Variants in UIMC1 observed in about 807,000 individuals in gnomAD.
UIMC1 encodes the protein ubiquitin interaction motif containing 1.
A neutral mutation model predicts 84.9 loss-of-function variants in UIMC1; 42 were observed. That is an observed-to-expected ratio of 0.49 (90% CI 0.39 to 0.64). The LOEUF (loss-of-function observed/expected upper bound fraction) is 0.64. Ranked by LOEUF, UIMC1 falls within the 30% of genes least tolerant of loss-of-function variation. UIMC1 has a pLI of 0.00. For synonymous variants in UIMC1, 281 were observed against 293.0 expected (o/e 0.96, Z 0.42); for missense variants, 825 against 847.6 (o/e 0.97, Z 0.33).
intron 10 of UIMC1, among the ~76,000 whole-genome samples, chr5:176,939,194 T>A (rs1253008009): frequency 2.7e-5 from 4 of 149,768 alleles, no homozygotes; most frequent in Non-Finnish European, 5.9e-5. Context: ...GAGGCAGAGG[T>A]TGCAATGAGC....
At position 177,011,875 on chromosome 5, in the gene UIMC1, A is replaced by G. The variant is rs188655523; in HGVS notation, c.-9+10589T>C. 1.6e-3 allele frequency among the ~76,000 whole-genome samples: 241 copies of G among 151,360 alleles called. 1 individual carries two copies. The South Asian group carries it at 0.021, about 13-fold the overall frequency. On this transcript the variant is annotated intron_variant, in intron 1 of 5. Coordinates refer to the UIMC1 transcript ENST00000509236. Reference sequence around the variant, plus strand: ...GAGTGCAGTGGCACAATCTCAGCTCACCGCAAGCTCTGCCTCCTGGGTTCA... The same window carrying G: ...GAGTGCAGTGGCACAATCTCAGCTCGCCGCAAGCTCTGCCTCCTGGGTTCA...
At chr5:176,967,922 T>C (rs917188285) in intron 6 of UIMC1, among the ~76,000 whole-genome samples, 5 of 148,602 alleles carry the variant, frequency 3.4e-5, no homozygotes, top group Non-Finnish European at 5.9e-5. Context: ...AAAAAAAAAA[T>C]TTATACAAAA....
At chr5:176,937,609 G>A (rs1299679122) in intron 10 of UIMC1, among the ~76,000 whole-genome samples, 1 of 152,218 alleles carries the variant, frequency 6.6e-6, no homozygotes, top group Non-Finnish European at 1.5e-5. Context: ...CCAGTGCGTA[G>A]TATTATAATC....
At chr5:176,948,270 A>C (rs1259221750) in intron 9 of UIMC1, among the ~76,000 whole-genome samples, 1 of 152,244 alleles carries the variant, frequency 6.6e-6, no homozygotes, top group African/African-American at 2.4e-5. Flanking sequence ...CAGTTATGCC[A>C]TGGGTACTTC....
intron 10 of UIMC1, among the ~76,000 whole-genome samples, chr5:176,931,835 G>A (rs536919460): frequency 3.4e-4 from 52 of 152,188 alleles, no homozygotes; most frequent in African/African-American, 1.2e-3. Context: ...AAATACAGGC[G>A]TGGTGGCACC....
At chr5:176,976,706 T>C (rs992129039) in intron 2 of UIMC1, among the ~76,000 whole-genome samples, 1 of 152,230 alleles carries the variant, frequency 6.6e-6, no homozygotes, top group Non-Finnish European at 1.5e-5. Context: ...ATTCCATTTA[T>C]AAGACATGCC....
In UIMC1 at chr5:176,906,301, C is replaced by G. The variant is rs956533451; in HGVS notation, c.1913-254G>C. ...CTACTTCAATTCTGGACTTGAGGAACAAGGAAGTTGCCAAGGGAAATCTGC... is the reference window on the plus strand; with the variant it reads ...CTACTTCAATTCTGGACTTGAGGAAGAAGGAAGTTGCCAAGGGAAATCTGC... On this transcript the variant is annotated intron_variant, in intron 13 of 14. Coordinates refer to ENST00000511320, the MANE Select transcript of UIMC1 (RefSeq NM_001199298.2). 5 of 440,522 alleles carry G rather than the reference C, an allele frequency of 1.1e-5. No homozygotes were observed. The South Asian group carries it at 1.3e-4, about 12-fold the overall frequency. The allele number at this position is 440,522 out of a possible 1,614,324, so 27.3% of individuals were successfully genotyped here.
At chr5:176,911,110 G>GA (rs1760103460) in intron 11 of UIMC1, among the ~76,000 whole-genome samples, 7 of 113,020 alleles carry the variant, frequency 6.2e-5, no homozygotes, top group Non-Finnish European at 8.9e-5. Context: ...AAGAGAGAGA[G>GA]AGAAGAAAAG....
At chr5:176,999,054 T>C (rs113995194) in intron 1 of UIMC1, among the ~76,000 whole-genome samples, 14,850 of 151,938 alleles carry the variant, frequency 0.098, 1,512 homozygotes, top group African/African-American at 0.26. Context: ...CAGTCAGGCA[T>C]GGTGTTGCAT....
intron 2 of UIMC1, among the ~76,000 whole-genome samples, chr5:176,982,204 T>C (rs1050984083): frequency 7.9e-5 from 12 of 152,228 alleles, no homozygotes; most frequent in Non-Finnish European, 1.2e-4. Flanking sequence ...ACAATTGATT[T>C]AGATGATTCA....
chr5:177,015,200 C>T (rs1581740695), intron 1 of UIMC1, among the ~76,000 whole-genome samples: 1 of 152,328 alleles, frequency 6.6e-6, no homozygotes, highest in African/African-American at 2.4e-5. Flanking sequence ...ATCTTCACAA[C>T]AACCATTTGA....
chr5:176,950,631 A>G (rs908797954), intron 9 of UIMC1, among the ~76,000 whole-genome samples: 5 of 151,776 alleles, frequency 3.3e-5, no homozygotes, highest in African/African-American at 1.2e-4. Context: ...GCACTTTGGG[A>G]GGCTAAGGTG....
intron 10 of UIMC1, among the ~76,000 whole-genome samples, chr5:176,925,695 C>T (rs1366785646): frequency 1.3e-5 from 2 of 152,088 alleles, no homozygotes; most frequent in Non-Finnish European, 2.9e-5. Flanking sequence ...TATGATTCTA[C>T]TAATATCAAA....
chr5:177,015,221 ATC>A (rs1386882948), intron 1 of UIMC1, among the ~76,000 whole-genome samples: 2 of 152,258 alleles, frequency 1.3e-5, no homozygotes, highest in African/African-American at 4.8e-5. Flanking sequence ...GGTGGGTATC[ATC>A]TCCTCATTTT....
At chr5:176,958,005 T>C (rs1052593310) in intron 7 of UIMC1, 88 bp downstream of exon 7, 7 of 1,232,190 alleles carry the variant, frequency 5.7e-6, no homozygotes, top group Non-Finnish European at 7.9e-6. Context: ...TCTGGCAAGC[T>C]GTCCACGTAC....
intron 10 of UIMC1, among the ~76,000 whole-genome samples, chr5:176,942,976 C>T (rs1273485288): frequency 6.6e-6 from 1 of 151,876 alleles, no homozygotes; most frequent in Non-Finnish European, 1.5e-5. Flanking sequence ...GCGTGAGAAT[C>T]GTTTGAACCT....
At chr5:176,946,198 T>C (rs1037395882) in intron 9 of UIMC1, among the ~76,000 whole-genome samples, 2 of 152,106 alleles carry the variant, frequency 1.3e-5, no homozygotes, top group African/African-American at 2.4e-5. Context: ...GTGTGTCTAT[T>C]ATTTCTCAAC....
chr5:176,967,698 T>C (rs77424443), intron 6 of UIMC1, among the ~76,000 whole-genome samples: 55 of 151,896 alleles, frequency 3.6e-4, no homozygotes, highest in African/African-American at 1.3e-3. Flanking sequence ...AGTACAGGAG[T>C]TCGAGACCAG....
intron 10 of UIMC1, among the ~76,000 whole-genome samples, chr5:176,912,872 T>C (rs1333885233): frequency 6.6e-6 from 1 of 152,168 alleles, no homozygotes; most frequent in African/African-American, 2.4e-5. Context: ...TTCACAATGT[T>C]AGCCAGGCTG....
Sources: gnomAD v4.1 joint callset for allele counts (sites outside exome capture counted in the v4.1 genomes callset) on GRCh38, gnomAD v4.1.1 for gene constraint, MANE v1.5 for transcripts, NCBI Gene and HGNC (gene_info 2026-07-23, HGNC 2026-07-21) for gene names.